Variants in DHX57 observed in about 807,000 individuals in gnomAD.
DHX57 encodes DExH-box helicase 57, also known as putative ATP-dependent RNA helicase DHX57.
In DHX57, 105 loss-of-function variants were observed where a neutral mutation model predicts 156.2. That is an observed-to-expected ratio of 0.67 (90% CI 0.57 to 0.79). The LOEUF is 0.79. Ranked by LOEUF, DHX57 falls within the 30% of genes least tolerant of loss-of-function variation. DHX57 has a pLI of 0.00. For missense variants in DHX57, 1,847 were observed against 1,661.9 expected (o/e 1.11, Z -1.94); for synonymous variants, 704 against 595.6 (o/e 1.18, Z -2.65).
intron 1 of DHX57, among the ~76,000 whole-genome samples, chr2:38,873,097 C>T (rs1435593592): frequency 6.6e-6 from 1 of 152,086 alleles, no homozygotes; most frequent in African/African-American, 2.4e-5. Context: ...AAGCGATTCT[C>T]CTGCCTCAGC....
intron 16 of DHX57, among the ~76,000 whole-genome samples, chr2:38,824,532 G>A (rs1329714986): frequency 1.3e-5 from 2 of 152,090 alleles, no homozygotes; most frequent in Non-Finnish European, 2.9e-5. Context: ...AATAAAAACT[G>A]GACATGATTA....
intron 8 of DHX57, 71 bp downstream of exon 8, chr2:38,854,986 T>A (rs762671829): frequency 2.3e-5 from 36 of 1,568,322 alleles, no homozygotes; most frequent in Non-Finnish European, 3.1e-5. Flanking sequence ...ATGAATCTCC[T>A]AACCCCCAAA....
chr2:38,875,271 G>A (rs531088887), intron 1 of DHX57, among the ~76,000 whole-genome samples: 3 of 152,308 alleles, frequency 2.0e-5, no homozygotes, highest in South Asian at 4.1e-4. Context: ...AGGGACCTAA[G>A]TTTGGCTGTA....
At position 38,802,910 on chromosome 2, in the gene DHX57, T is replaced by C. The variant is rs767058631; in HGVS notation, c.3822A>G (p.Arg1274=). 8.1e-6 allele frequency: 13 copies of C among 1,613,892 alleles called. No homozygotes were observed. The highest frequency in any genetic ancestry group is 1.3e-5 in the African/African-American group (1 of 74,870). The change falls in exon 23 of 24, where the codon AGA becomes AGG. Residue 1274 remains arginine (R), a synonymous_variant. Transcript: ENST00000457308. ...IHPSSVNYQV[R]HFDSPYLLYH... ...ACAACAGGTAGGGGCTGTCAAAGTG[T>C]CTCACCTGTAACAAAAAACCTCAGA...
At chr2:38,827,879 G>A (rs759686682) in intron 14 of DHX57, among the ~76,000 whole-genome samples, 33 of 152,020 alleles carry the variant, frequency 2.2e-4, no homozygotes, top group Non-Finnish European at 4.3e-4. Context: ...TTTTTGAAAC[G>A]GAGTTTCACT....
chr2:38,846,628 A>G (rs1011204880), intron 11 of DHX57, among the ~76,000 whole-genome samples: 6 of 151,758 alleles, frequency 4.0e-5, no homozygotes, highest in South Asian at 2.1e-4. Context: ...AAAAAAAAAA[A>G]AAAGAAAGAA....
chr2:38,811,071 G>C (rs3099970), intron 21 of DHX57: 587,218 of 598,742 alleles, frequency 0.98, 288,905 homozygotes, highest in East Asian at 1. Flanking sequence ...CCTGAAGGTG[G>C]TTGGTTCTTG....
intron 21 of DHX57, among the ~76,000 whole-genome samples, chr2:38,807,182 G>A (rs1348078699): frequency 6.6e-6 from 1 of 151,860 alleles, no homozygotes; most frequent in Non-Finnish European, 1.5e-5. Context: ...AGGCTCCCAA[G>A]TAGCTGGGAT....
In DHX57 at chr2:38,843,222, A is replaced by G; in HGVS notation, c.2220-12T>C. ...CCTGTAATACATACCTGAGAAAGAC[A>G]AAGGAATGTGGTTGTGTGTATGTGG... On this transcript the variant is annotated splice_polypyrimidine_tract_variant and intron_variant, in intron 11 of 23. Transcript: ENST00000457308. 6.2e-7 allele frequency: 1 copy of G among 1,613,142 alleles called. No individual in the cohort carries two copies. Among genetic ancestry groups the G allele is most frequent in the Non-Finnish European group, 8.5e-7 (1 of 1,179,578 alleles).
chr2:38,856,541 G>A (rs1020821059), intron 6 of DHX57, 80 bp from the exon 7 acceptor site: 66 of 1,467,902 alleles, frequency 4.5e-5, no homozygotes, highest in Non-Finnish European at 4.7e-5. Flanking sequence ...GTCTCACTCT[G>A]TTGCCAGGCT....
chr2:38,871,657 G>A (rs914363917), intron 1 of DHX57, among the ~76,000 whole-genome samples: 4 of 151,890 alleles, frequency 2.6e-5, no homozygotes, highest in African/African-American at 7.3e-5. Context: ...GCAGAAGTGG[G>A]CACGATACAG....
intron 21 of DHX57, among the ~76,000 whole-genome samples, chr2:38,809,743 G>A (rs1425915829): frequency 2.0e-5 from 3 of 151,980 alleles, no homozygotes; most frequent in Non-Finnish European, 4.4e-5. Context: ...GATTGCAGGC[G>A]TGAGCCACCG....
chr2:38,873,270 C>T lies in DHX57; in HGVS notation c.-7+2517G>A, dbSNP rs142224307. 5.0e-3 allele frequency among the ~76,000 whole-genome samples: 754 copies of T among 152,154 alleles called. 8 individuals are homozygous for T. Among genetic ancestry groups the T allele is most frequent in the African/African-American group, 0.017 (713 of 41,502 alleles). Reference sequence around the variant, plus strand: ...CCTCCCAAAGTGCAGGGATTACAGGCGTGAGCCACTGTGCCCAGCCATAAA... The same window carrying T: ...CCTCCCAAAGTGCAGGGATTACAGGTGTGAGCCACTGTGCCCAGCCATAAA... On this transcript the variant is annotated intron_variant, in intron 1 of 23. Coordinates refer to ENST00000457308, the MANE Select transcript of DHX57 (RefSeq NM_198963.3).
At chr2:38,867,249 G>T (rs1665128743) in intron 2 of DHX57, 1 of 152,158 alleles carries the variant, frequency 6.6e-6, no homozygotes, top group African/African-American at 2.4e-5. Flanking sequence ...ATTCTATGAT[G>T]TTTGCACAAC....
intron 3 of DHX57, chr2:38,862,596 C>CA: frequency 7.7e-6 from 2 of 261,022 alleles, no homozygotes; most frequent in Non-Finnish European, 1.4e-5. Context: ...ACTGGAATGT[C>CA]CTTTTTTTTT....
In DHX57 at chr2:38,848,305, C is replaced by A. The variant is rs762253917; in HGVS notation, c.2128G>T (p.Asp710Tyr). ...ATAACGGGGCAGGAATTAAAATAGT[C>A]TGAAAAAAGCTCAGCGTTTAGAGTT... ...SATLNAELFS[D>Y]YFNSCPVITI... The change falls in exon 10 of 24, where the codon GAC (aspartate) becomes TAC (tyrosine). Residue 710 changes from aspartate (D) to tyrosine (Y), a missense_variant. Asp to Tyr is a radical substitution (Grantham distance 160). Coordinates refer to ENST00000457308, the MANE Select transcript of DHX57 (RefSeq NM_198963.3). 1 of 1,608,956 alleles carries A rather than the reference C, an allele frequency of 6.2e-7. No individual in the cohort carries two copies. The highest frequency in any genetic ancestry group is 8.5e-7 in the Non-Finnish European group (1 of 1,177,900).
In DHX57 at chr2:38,848,501, T is replaced by C. The variant is rs879085454; in HGVS notation, c.2031-99A>G. The C allele has an allele frequency of 5.5e-6, 7 of 1,263,586 alleles. 1 individual carries two copies. The South Asian group carries it at 1.3e-4, about 23-fold the overall frequency. 78.3% of individuals were successfully genotyped at this position (1,263,586 alleles called of 1,614,324 possible). ...TTGAGCAAGAAATGTGTAAGATCTC[T>C]GTGAAAAAAAAAAACCATTAACGTT... is the stretch of plus-strand genomic sequence containing the variant. On this transcript the variant is annotated intron_variant, in intron 9 of 23. Coordinates refer to ENST00000457308, the MANE Select transcript of DHX57 (RefSeq NM_198963.3).
At chr2:38,813,474 C>T (rs1428036532) in intron 21 of DHX57, among the ~76,000 whole-genome samples, 1 of 150,700 alleles carries the variant, frequency 6.6e-6, no homozygotes, top group Non-Finnish European at 1.5e-5. Flanking sequence ...GGGTTCATGC[C>T]ATTCTCCTGC....
At chr2:38,860,428 G>C (rs1049428182) in intron 5 of DHX57, among the ~76,000 whole-genome samples, 3 of 152,066 alleles carry the variant, frequency 2.0e-5, no homozygotes, top group African/African-American at 7.2e-5. Flanking sequence ...CAGCTTGGGG[G>C]ACAAGAGTGA....
Sources: allele counts gnomAD v4.1 joint callset (sites outside exome capture counted in the v4.1 genomes callset), GRCh38; gene constraint gnomAD v4.1.1; transcripts MANE v1.5; gene names NCBI Gene and HGNC (gene_info 2026-07-23, HGNC 2026-07-21).